Variants in PCDHGA5 observed in about 807,000 individuals in gnomAD.
PCDHGA5 encodes the protein protocadherin gamma-A5.
PCDHGA5 carries 36 observed loss-of-function variants against 56.7 expected under a neutral mutation model. That is an observed-to-expected ratio of 0.64 (90% CI 0.49 to 0.84). The LOEUF is 0.84. Among genes scored for constraint, PCDHGA5 ranks in the 40% least tolerant of loss-of-function variants. The probability of loss-of-function intolerance (pLI) is 0.00; values close to 1 mark genes in which losing one functional copy is unlikely to be tolerated. For missense variants in PCDHGA5, 1,305 were observed against 1,201.5 expected, an observed-to-expected ratio of 1.09 and a Z score of -1.27; for synonymous variants, 563 against 520.2, an observed-to-expected ratio of 1.08 and a Z score of -1.12.
chr5:141,482,998 T>C (rs1458221945), intron 1 of PCDHGA5, among the ~76,000 whole-genome samples: 1 of 152,008 alleles, frequency 6.6e-6, no homozygotes, highest in Non-Finnish European at 1.5e-5. Flanking sequence ...GGCAGGAGAA[T>C]TGCTTGAACC....
In PCDHGA5 at chr5:141,510,834, G is replaced by A. The variant is rs1043468083; in HGVS notation, c.2570-113G>A. 49 of 1,581,762 alleles carry A rather than the reference G, an allele frequency of 3.1e-5. 1 individual carries two copies. The highest frequency in any genetic ancestry group is 4.0e-5 in the Non-Finnish European group (46 of 1,161,670). On this transcript the variant is annotated intron_variant, in intron 3 of 3. Coordinates refer to ENST00000518069, the MANE Select transcript of PCDHGA5 (RefSeq NM_018918.3). ...GACCCCTATATTCCCAGTGCTCAGC[G>A]TGGTCAAGGCCCAGGGTGCTGTATA...
chr5:141,379,410 A>T (rs1314256524), intron 1 of PCDHGA5: 1 of 152,226 alleles, frequency 6.6e-6, no homozygotes, highest in African/African-American at 2.4e-5. Context: ...CTTGGATATT[A>T]GTCTCATGAG....
At position 141,490,821 on chromosome 5, in the gene PCDHGA5, G is replaced by A. The variant is rs907584239; in HGVS notation, c.2422-3986G>A. On this transcript the variant is annotated intron_variant, in intron 1 of 3. Transcript: ENST00000518069. The surrounding 1 kb of genome is among the most constrained non-coding windows in gnomAD (Gnocchi z 5.4). ...AGCGTACCTTTGACTATGAATTGCT[G>A]CAGATGCTGCAGATTGTGGTGGGGG... 6.2e-7 allele frequency: 1 copy of A among 1,613,876 alleles called. No homozygotes were observed. Among genetic ancestry groups the A allele is most frequent in the Non-Finnish European group, 8.5e-7 (1 of 1,179,826 alleles).
intron 1 of PCDHGA5, chr5:141,371,242 A>G (rs759523256): frequency 3.7e-6 from 6 of 1,613,916 alleles, no homozygotes; most frequent in East Asian, 2.2e-5. Context: ...GCCTTCATCA[A>G]TATTGGCAAG....
Position 141,385,517 on chromosome 5 carries a change from T to G in PCDHGA5, c.2421+18766T>G, listed in dbSNP as rs887255170. 4.4e-6 allele frequency: 6 copies of G among 1,367,514 alleles called. No individual in the cohort carries two copies. In the Admixed American group the frequency reaches 2.0e-4, roughly 47 times the overall value. The allele number at this position is 1,367,514 out of a possible 1,614,324, so 84.7% of individuals were successfully genotyped here. A position where few individuals can be genotyped will look rare whatever the true frequency, so the allele number is the denominator to read the frequency against. The stretch of plus-strand genomic sequence containing the variant: ...ATATAGTATTTCTTTAGTGAAAGCC[T>G]ATGGACAAGATTATGAATATGTGGA... On this transcript the variant is annotated intron_variant, in intron 1 of 3. Transcript: ENST00000518069.
At chr5:141,478,708 A>G (rs1394463788) in intron 1 of PCDHGA5, 31 of 1,548,072 alleles carry the variant, frequency 2.0e-5, no homozygotes, top group Non-Finnish European at 2.5e-5. Context: ...TGCCTTTGTG[A>G]GATGGTGGCC....
rs1347087103 is a variant in PCDHGA5 at position 141,409,851 on chromosome 5, T to C, written c.2421+43100T>C. 4 of 1,612,112 alleles carry C rather than the reference T, an allele frequency of 2.5e-6. No homozygotes were observed. In the Admixed American group the frequency reaches 6.7e-5, roughly 27 times the overall value. On this transcript the variant is annotated intron_variant, in intron 1 of 3. Transcript: ENST00000518069. ...CTCAGCGCCAACGTGAGCCTGCGCG[T>C]GTTGGTGGGAGACCGCAATGACAAC...
intron 1 of PCDHGA5, chr5:141,418,983 A>T: frequency 6.2e-7 from 1 of 1,613,900 alleles, no homozygotes; most frequent in Admixed American, 1.7e-5. Context: ...CGGGACCAAG[A>T]CTCAGGGGAA....
chr5:141,408,358 G>C, intron 1 of PCDHGA5: 1 of 1,613,952 alleles, frequency 6.2e-7, no homozygotes, highest in South Asian at 1.1e-5. Context: ...ACCTCGCTAA[G>C]GATCTAGGGC....
Position 141,375,794 on chromosome 5 carries a change from G to C in PCDHGA5, c.2421+9043G>C, listed in dbSNP as rs754100940. On this transcript the variant is annotated intron_variant, in intron 1 of 3. Transcript: ENST00000518069. Reference sequence around the variant, plus strand: ...CCTGTACCCCGCCCTCCCCACAGACGGTTCCACTGGCGTGGAGCTGGCGCC... The same window carrying C: ...CCTGTACCCCGCCCTCCCCACAGACCGTTCCACTGGCGTGGAGCTGGCGCC... 33 of 1,614,052 alleles carry C rather than the reference G, an allele frequency of 2.0e-5. No individual in the cohort carries two copies. Among genetic ancestry groups the C allele is most frequent in the Non-Finnish European group, 2.4e-5 (28 of 1,180,026 alleles).
chr5:141,399,738 G>C (rs1484510317), intron 1 of PCDHGA5: 2 of 1,613,268 alleles, frequency 1.2e-6, no homozygotes, highest in African/African-American at 1.3e-5. Flanking sequence ...GCTCGCCTGC[G>C]CTCAGCGCAA....
chr5:141,366,256 C>T lies in PCDHGA5; in HGVS notation c.1926C>T (p.Leu642=), dbSNP rs751677361. The T allele has an allele frequency of 5.6e-6, 9 of 1,613,584 alleles. No individual in the cohort carries two copies. Among genetic ancestry groups the T allele is most frequent in the African/African-American group, 2.7e-5 (2 of 74,958 alleles). The change falls in exon 1 of 4, where the codon CTC becomes CTT. Residue 642 remains leucine, a synonymous_variant. Transcript: ENST00000518069. ...ACAGAGACGCGCTCAAGCAGAGCCT[C>T]GTGGTGGCCGTCGAAGACCATGGCC... is the stretch of plus-strand genomic sequence containing the variant. ...LLDRDALKQS[L]VVAVEDHGQP...
chr5:141,505,418 A>T lies in PCDHGA5; in HGVS notation c.2506A>T (p.Thr836Ser). 1 of 1,614,186 alleles carries T rather than the reference A, an allele frequency of 6.2e-7. No homozygotes were observed. Among genetic ancestry groups the T allele is most frequent in the East Asian group, 2.2e-5 (1 of 44,876 alleles). The change falls in exon 3 of 4, where the codon ACC becomes TCC. Residue 836 changes from threonine to serine, a missense_variant. By Grantham distance (58) the Thr-to-Ser change is moderately conservative. Coordinates refer to ENST00000518069, the MANE Select transcript of PCDHGA5 (RefSeq NM_018918.3). ...SGSQNGDDTG[T>S]WPNNQFDTEM... ...CTCCCAAAATGGCGATGACACCGGC[A>T]CCTGGCCCAACAACCAGTTTGACAC...
At chr5:141,461,456 T>C (rs12186717) in intron 1 of PCDHGA5, among the ~76,000 whole-genome samples, 42,391 of 152,030 alleles carry the variant, frequency 0.28, 6,631 homozygotes, top group African/African-American at 0.43. Context: ...AATGGCTATT[T>C]GTGTCCTTTG....
At chr5:141,394,586 G>A in intron 1 of PCDHGA5, 1 of 1,613,888 alleles carries the variant, frequency 6.2e-7, no homozygotes. Context: ...TGACCAAGGT[G>A]GTGGCGGTGG....
intron 1 of PCDHGA5, chr5:141,382,822 A>C: frequency 7.6e-7 from 1 of 1,310,696 alleles, no homozygotes; most frequent in Non-Finnish European, 1.1e-6. Context: ...TTCCTAAGAC[A>C]GAGGGGTCCA....
intron 1 of PCDHGA5, among the ~76,000 whole-genome samples, chr5:141,462,639 C>T (rs2099043867): frequency 7.2e-6 from 1 of 138,292 alleles, no homozygotes. Flanking sequence ...TTGACTCTTT[C>T]ATTTCCATCC....
chr5:141,505,246 G>C, intron 2 of PCDHGA5, 147 bp from the exon 3 acceptor site: 2 of 1,436,674 alleles, frequency 1.4e-6, no homozygotes, highest in Non-Finnish European at 1.9e-6. Flanking sequence ...AAGGATTGTA[G>C]AAGTGCCTCC....
In PCDHGA5 at chr5:141,364,999, C is replaced by T. The variant is rs1763663024; in HGVS notation, c.669C>T (p.Ser223=). The part of the protein sequence containing the change: ...TALDGGDPVL[S]GTTHIRVTVL... ...TAGATGGCGGAGACCCGGTACTCTC[C>T]GGCACCACGCACATCCGTGTTACGG... is the stretch of plus-strand genomic sequence containing the variant. Residue 223 remains serine (S), a synonymous_variant, in exon 1 of 4, where the codon TCC becomes TCT. Transcript: ENST00000518069. 4 of 1,613,862 alleles carry T rather than the reference C, an allele frequency of 2.5e-6. No individual in the cohort carries two copies. Among genetic ancestry groups the T allele is most frequent in the Non-Finnish European group, 2.5e-6 (3 of 1,179,878 alleles).
Sources: allele counts gnomAD v4.1 joint callset (sites outside exome capture counted in the v4.1 genomes callset), GRCh38; gene constraint gnomAD v4.1.1; non-coding constraint Gnocchi (gnomAD v3.1); transcripts MANE v1.5; gene names NCBI Gene and HGNC (gene_info 2026-07-23, HGNC 2026-07-21).